Variants in DRC4 observed in about 807,000 individuals in gnomAD.
The protein encoded by DRC4 is dynein regulatory complex subunit 4, also known as GAS-11.
the DRC4 span, among the ~76,000 whole-genome samples, chr16:90,033,189 T>A: frequency 6.6e-6 from 1 of 152,226 alleles, no homozygotes; most frequent in Non-Finnish European, 1.5e-5. Flanking sequence ...GGATCTTTCA[T>A]GTGCTGCTGA....
chr16:90,024,490 C>G, the DRC4 span, among the ~76,000 whole-genome samples: 1 of 152,088 alleles, frequency 6.6e-6, no homozygotes, highest in Non-Finnish European at 1.5e-5. Flanking sequence ...TCATTTCTTA[C>G]TTTTTAAGGA....
chr16:90,040,190 T>C, the DRC4 span: 1 of 1,059,910 alleles, frequency 9.4e-7, no homozygotes, highest in South Asian at 1.4e-5. Flanking sequence ...GTGGGCACTG[T>C]TGGGAGGCAG....
chr16:90,036,346 C>A, the DRC4 span: 4 of 1,558,930 alleles, frequency 2.6e-6, no homozygotes, highest in South Asian at 4.8e-5. Context: ...ACCACGTCTT[C>A]CTCTGCTAAG....
At chr16:90,038,252 C>G in the DRC4 span, among the ~76,000 whole-genome samples, 5 of 152,158 alleles carry the variant, frequency 3.3e-5, no homozygotes, top group African/African-American at 1.2e-4. Context: ...CAGTGCTGGT[C>G]CTCACACTGG....
At chr16:90,043,104 T>C in the DRC4 span, 7 of 1,393,930 alleles carry the variant, frequency 5.0e-6, no homozygotes, top group Middle Eastern at 3.7e-4. Flanking sequence ...TGCACCGTGA[T>C]GCTCACGCTG....
the DRC4 span, chr16:90,020,731 T>G: frequency 7.9e-5 from 12 of 152,358 alleles, no homozygotes; most frequent in African/African-American, 2.9e-4. Context: ...AGACCAGGAT[T>G]GCTCTTAGCT....
chr16:90,027,735 G>A, the DRC4 span: 85 of 1,613,878 alleles, frequency 5.3e-5, no homozygotes, highest in Non-Finnish European at 7.0e-5. Context: ...GAGCAGAGCG[G>A]GCTGTGGCCC....
At chr16:90,035,930 A>G in the DRC4 span, 1 of 1,417,456 alleles carries the variant, frequency 7.1e-7, no homozygotes, top group Non-Finnish European at 9.2e-7. Flanking sequence ...CCTAGCTAAA[A>G]TCAGTAGTTA....
chr16:90,041,748 TAG>T, the DRC4 span, among the ~76,000 whole-genome samples: 2 of 151,832 alleles, frequency 1.3e-5, no homozygotes, highest in Admixed American at 1.3e-4. Context: ...GCGGTGAGCC[TAG>T]ATCGCGCCAC....
At chr16:90,035,559 A>AC in the DRC4 span, 3 of 1,601,790 alleles carry the variant, frequency 1.9e-6, no homozygotes, top group South Asian at 3.3e-5. Context: ...ACCATGAGGA[A>AC]CAGGGTCAGC....
the DRC4 span, chr16:90,040,453 C>T: frequency 6.2e-7 from 1 of 1,610,822 alleles, no homozygotes; most frequent in South Asian, 1.1e-5. Context: ...CAACGAGGTC[C>T]TGGCTGCCTC....
At chr16:90,038,793 C>A in the DRC4 span, among the ~76,000 whole-genome samples, 24 of 152,188 alleles carry the variant, frequency 1.6e-4, no homozygotes, top group Non-Finnish European at 2.8e-4. Flanking sequence ...GTGCTCGGTC[C>A]TGTCTCTGTC....
chr16:90,041,453 G>C, the DRC4 span, among the ~76,000 whole-genome samples: 9,913 of 152,280 alleles, frequency 0.065, 444 homozygotes, highest in South Asian at 0.12. Flanking sequence ...CACGTGGTGA[G>C]ACCCTTGCCC....
At chr16:90,029,154 G>A in the DRC4 span, 11 of 1,348,434 alleles carry the variant, frequency 8.2e-6, no homozygotes, top group African/African-American at 7.4e-5. Context: ...GGCAGCCTAC[G>A]GGGCAGGCTA....
At chr16:90,028,188 T>TG in the DRC4 span, among the ~76,000 whole-genome samples, 1 of 126,850 alleles carries the variant, frequency 7.9e-6, no homozygotes, top group East Asian at 2.1e-4. Context: ...TTTTTTTTTT[T>TG]TTTTTTTTTT....
At chr16:90,040,266 G>T in the DRC4 span, 1 of 1,546,040 alleles carries the variant, frequency 6.5e-7, no homozygotes, top group Non-Finnish European at 8.7e-7. Context: ...CAGGTGAGGG[G>T]CCTCATCGCC....
At chr16:90,044,668 C>G in the DRC4 span, 1 of 465,440 alleles carries the variant, frequency 2.1e-6, no homozygotes, top group Non-Finnish European at 4.5e-6. Context: ...AGAAGCCCCC[C>G]ACCCCAGCTT....
chr16:90,042,284 T>G, the DRC4 span: 5 of 644,342 alleles, frequency 7.8e-6, no homozygotes, highest in East Asian at 3.1e-5. Flanking sequence ...GTTCTCTGCT[T>G]CTTCCTTGTT....
chr16:90,041,246 C>G, the DRC4 span, among the ~76,000 whole-genome samples: 2 of 152,242 alleles, frequency 1.3e-5, no homozygotes, highest in African/African-American at 4.8e-5. Context: ...GTCAACCCCT[C>G]CTTTCCTGGT....
Sources: gnomAD v4.1 joint callset for allele counts (sites outside exome capture counted in the v4.1 genomes callset) on GRCh38, gnomAD v4.1.1 for gene constraint, MANE v1.5 for transcripts, NCBI Gene and HGNC (gene_info 2026-07-23, HGNC 2026-07-21) for gene names.